The following KHDRBS2 variants were observed in gnomAD, a reference collection of about 807,000 sequenced individuals.
KHDRBS2 encodes KH domain-containing, RNA-binding, signal transduction-associated protein 2.
In KHDRBS2, 26 loss-of-function variants were observed where a neutral mutation model predicts 44.3. That is an observed-to-expected ratio of 0.59 (90% CI 0.43 to 0.81). The LOEUF is 0.81. KHDRBS2 is among the 40% of genes least tolerant of loss of function. The pLI is 0.00. For synonymous variants in KHDRBS2, 194 were observed against 151.1 expected (o/e 1.28, Z -2.08); for missense variants, 476 against 433.1 (o/e 1.10, Z -0.88).
At chr6:62,110,528 T>A in intron 2 of KHDRBS2, among the ~76,000 whole-genome samples, 1 of 152,052 alleles carries the variant, frequency 6.6e-6, no homozygotes, top group Non-Finnish European at 1.5e-5. Flanking sequence ...AGTGACCTAT[T>A]TACACATACA....
chr6:61,804,939 G>A (rs1317961711), intron 6 of KHDRBS2, among the ~76,000 whole-genome samples: 6 of 152,058 alleles, frequency 3.9e-5, no homozygotes, highest in Non-Finnish European at 8.8e-5. Flanking sequence ...TTAACATTTG[G>A]CTCCTCATCC....
intron 6 of KHDRBS2, among the ~76,000 whole-genome samples, chr6:61,889,063 G>T (rs1211142783): frequency 6.6e-6 from 1 of 151,952 alleles, no homozygotes; most frequent in Admixed American, 6.6e-5. Context: ...TGACTTCAAA[G>T]GGTCCATAAC....
the KHDRBS2 span, among the ~76,000 whole-genome samples, chr6:61,557,019 C>T: frequency 6.6e-6 from 1 of 150,938 alleles, no homozygotes; most frequent in South Asian, 2.1e-4. Flanking sequence ...TTTGCACCAT[C>T]AGTGCAAGTT....
At chr6:62,028,472 G>A (rs1246340689) in intron 3 of KHDRBS2, among the ~76,000 whole-genome samples, 4 of 151,800 alleles carry the variant, frequency 2.6e-5, no homozygotes, top group African/African-American at 9.7e-5. Context: ...TGGTTAACCT[G>A]AAAATGAGCT....
intron 1 of KHDRBS2, among the ~76,000 whole-genome samples, chr6:62,263,362 C>A (rs1008856363): frequency 1.3e-5 from 2 of 151,506 alleles, no homozygotes; most frequent in African/African-American, 2.4e-5. Flanking sequence ...AATATCAATT[C>A]TTTTTTCCAT....
chr6:61,713,517 G>T (rs1004078314), intron 7 of KHDRBS2, among the ~76,000 whole-genome samples: 38 of 150,888 alleles, frequency 2.5e-4, no homozygotes, highest in African/African-American at 9.0e-4. Context: ...TGTTAGAAGA[G>T]AAATATCTTC....
intron 8 of KHDRBS2, among the ~76,000 whole-genome samples, chr6:61,691,875 A>G (rs1767418883): frequency 6.6e-6 from 1 of 152,156 alleles, no homozygotes; most frequent in Non-Finnish European, 1.5e-5. Flanking sequence ...CAAATGCCCT[A>G]GAATATGGCA....
At chr6:62,243,345 G>A (rs1835006073) in intron 1 of KHDRBS2, among the ~76,000 whole-genome samples, 1 of 151,976 alleles carries the variant, frequency 6.6e-6, no homozygotes, top group Non-Finnish European at 1.5e-5. Flanking sequence ...GCAGTTATAT[G>A]TGCTCATGGT....
chr6:61,781,067 A>G (rs1314303338), intron 6 of KHDRBS2, among the ~76,000 whole-genome samples: 1 of 152,212 alleles, frequency 6.6e-6, no homozygotes, highest in African/African-American at 2.4e-5. Flanking sequence ...TTAAAACAGA[A>G]CATCCCAAAC....
At chr6:62,072,155 T>A (rs529049729) in intron 2 of KHDRBS2, among the ~76,000 whole-genome samples, 69 of 152,284 alleles carry the variant, frequency 4.5e-4, no homozygotes, top group African/African-American at 1.6e-3. Flanking sequence ...CTGTTATTGG[T>A]GTATAAGAGT....
the KHDRBS2 span, among the ~76,000 whole-genome samples, chr6:61,549,490 C>T: frequency 1.3e-5 from 2 of 152,110 alleles, no homozygotes; most frequent in Non-Finnish European, 2.9e-5. Flanking sequence ...TAATATACTA[C>T]TTCTGAGGAA....
chr6:62,148,436 T>C (rs1406308354), intron 2 of KHDRBS2, among the ~76,000 whole-genome samples: 9 of 151,818 alleles, frequency 5.9e-5, no homozygotes, highest in Non-Finnish European at 1.0e-4. Context: ...ACAGATAGAG[T>C]ACAATATGGT....
Position 61,681,653 on chromosome 6 carries a change from G to T in KHDRBS2, c.953-593C>A, listed in dbSNP as rs148653170. Among the ~76,000 whole-genome samples the T allele has an allele frequency of 1.4e-3, 209 of 151,850 alleles. 1 individual carries two copies. Among genetic ancestry groups the T allele is most frequent in the African/African-American group, 4.8e-3 (200 of 41,454 alleles). ...ATCAGTAAACAAAACAAAACACAAA[G>T]ATATCAGTTTTTCCAAGTAAACAAC... On this transcript the variant is annotated intron_variant, in intron 8 of 8. Transcript: ENST00000281156.
chr6:61,554,635 G>A, the KHDRBS2 span, among the ~76,000 whole-genome samples: 498 of 152,146 alleles, frequency 3.3e-3, 4 homozygotes, highest in African/African-American at 0.011. Flanking sequence ...TGTTTTTGTC[G>A]TGGCTTGTAA....
intron 6 of KHDRBS2, among the ~76,000 whole-genome samples, chr6:61,779,863 T>A (rs1286444920): frequency 2.0e-5 from 3 of 152,220 alleles, no homozygotes; most frequent in East Asian, 3.9e-4. Context: ...GCATCCAAGC[T>A]GGCAATCAAA....
At chr6:61,765,545 C>T (rs1582687060) in intron 6 of KHDRBS2, among the ~76,000 whole-genome samples, 1 of 151,916 alleles carries the variant, frequency 6.6e-6, no homozygotes. Flanking sequence ...ACATAATAGG[C>T]ATGTATATTT....
chr6:61,686,361 A>G (rs1766814375), intron 8 of KHDRBS2, among the ~76,000 whole-genome samples: 1 of 151,768 alleles, frequency 6.6e-6, no homozygotes, highest in African/African-American at 2.4e-5. Context: ...CCTGGCTTTG[A>G]GCCACTCAGT....
intron 4 of KHDRBS2, among the ~76,000 whole-genome samples, chr6:61,956,208 C>CA (rs1012784726): frequency 1.1e-4 from 16 of 151,866 alleles, no homozygotes; most frequent in African/African-American, 3.4e-4. Flanking sequence ...AAAACAAAAA[C>CA]AAAAAAACAG....
chr6:62,112,563 T>A (rs1363951706), intron 2 of KHDRBS2, among the ~76,000 whole-genome samples: 2 of 152,144 alleles, frequency 1.3e-5, no homozygotes, highest in Non-Finnish European at 2.9e-5. Flanking sequence ...ATAAAATAGA[T>A]GACTGGAACT....
Sources: allele counts gnomAD v4.1 joint callset (sites outside exome capture counted in the v4.1 genomes callset), GRCh38; gene constraint gnomAD v4.1.1; transcripts MANE v1.5; gene names NCBI Gene and HGNC (gene_info 2026-07-23, HGNC 2026-07-21).